The following IQGAP2 variants were observed in gnomAD, a reference collection of about 807,000 sequenced individuals.
IQGAP2 encodes the protein ras GTPase-activating-like protein IQGAP2.
A neutral mutation model predicts 201.3 loss-of-function variants in IQGAP2; 173 were observed. The ratio of observed to expected loss-of-function variants is 0.86; its 90% CI spans 0.76 to 0.98. IQGAP2 has a LOEUF of 0.98. Among genes scored for constraint, IQGAP2 ranks in the 50% least tolerant of loss-of-function variants. IQGAP2 has a pLI of 0.00. For missense variants in IQGAP2, 1,687 were observed against 1,864.8 expected, an observed-to-expected ratio of 0.90 and a Z score of 1.76; for synonymous variants, 675 against 673.9, an observed-to-expected ratio of 1.00 and a Z score of -0.03.
intron 15 of IQGAP2, among the ~76,000 whole-genome samples, chr5:76,635,667 A>C: frequency 6.6e-6 from 1 of 151,980 alleles, no homozygotes; most frequent in East Asian, 1.9e-4. Flanking sequence ...ACATGGCAAA[A>C]CCCATCTCTA....
At chr5:76,599,374 C>T (rs1400505125) in intron 10 of IQGAP2, among the ~76,000 whole-genome samples, 1 of 152,174 alleles carries the variant, frequency 6.6e-6, no homozygotes, top group African/African-American at 2.4e-5. Flanking sequence ...GCTACTTATG[C>T]TTGAGGACAC....
At chr5:76,489,140 T>C (rs1756362438) in intron 2 of IQGAP2, among the ~76,000 whole-genome samples, 1 of 152,122 alleles carries the variant, frequency 6.6e-6, no homozygotes, top group African/African-American at 2.4e-5. Context: ...CTCGCAGTGG[T>C]AGGGTTCCAT....
chr5:76,468,584 T>C (rs775163382), intron 2 of IQGAP2, among the ~76,000 whole-genome samples: 11 of 152,234 alleles, frequency 7.2e-5, no homozygotes, highest in Non-Finnish European at 1.3e-4. Context: ...GGTCCTTAAC[T>C]GGTTTCTTCA....
At chr5:76,448,605 GA>G (rs780537951) in intron 1 of IQGAP2, among the ~76,000 whole-genome samples, 1 of 152,134 alleles carries the variant, frequency 6.6e-6, no homozygotes, top group Non-Finnish European at 1.5e-5. Context: ...TCCATAAGTG[GA>G]AGCATCAGGA....
intron 15 of IQGAP2, among the ~76,000 whole-genome samples, chr5:76,634,836 A>T (rs1480879840): frequency 2.0e-5 from 3 of 152,216 alleles, no homozygotes; most frequent in African/African-American, 7.2e-5. Flanking sequence ...TCTGCAAGGC[A>T]TCTAAAAAGT....
Position 76,693,219 on chromosome 5 carries a change from G to C in IQGAP2, c.3906-136G>C, listed in dbSNP as rs10514070. On this transcript the variant is annotated intron_variant, in intron 30 of 35. Transcript: ENST00000274364. Reference sequence around the variant, plus strand: ...CTTATAGCAGACCTGGTGAATATCCGCAAGAATGTTTTATTTTAAGGTATT... The same window carrying C: ...CTTATAGCAGACCTGGTGAATATCCCCAAGAATGTTTTATTTTAAGGTATT... The C allele has an allele frequency of 6.8e-6, 4 of 584,668 alleles. No homozygotes were observed. The Admixed American group carries it at 1.4e-4, about 20-fold the overall frequency. The allele number at this position is 584,668 out of a possible 1,614,324, so 36.2% of individuals were successfully genotyped here.
intron 1 of IQGAP2, among the ~76,000 whole-genome samples, chr5:76,445,103 G>A (rs951084128): frequency 2.0e-5 from 3 of 152,122 alleles, no homozygotes; most frequent in Non-Finnish European, 1.5e-5. Context: ...GGGTGGCCTC[G>A]TGTCTTTAGG....
intron 1 of IQGAP2, among the ~76,000 whole-genome samples, chr5:76,446,591 C>T (rs556643334): frequency 3.5e-4 from 53 of 152,288 alleles, no homozygotes; most frequent in Middle Eastern, 3.4e-3. Context: ...CATCTAACCT[C>T]TCCTTGATCT....
At chr5:76,510,774 C>T in intron 2 of IQGAP2, 1 of 460,702 alleles carries the variant, frequency 2.2e-6, no homozygotes, top group South Asian at 1.7e-5. Context: ...CAGTAACCAC[C>T]TCCTTGGCAC....
chr5:76,456,170 A>G (rs991812600), intron 1 of IQGAP2, among the ~76,000 whole-genome samples: 1 of 152,184 alleles, frequency 6.6e-6, no homozygotes, highest in Non-Finnish European at 1.5e-5. Context: ...GTAGGGATAT[A>G]GAAATGGATG....
intron 1 of IQGAP2, among the ~76,000 whole-genome samples, chr5:76,436,591 C>T (rs541108984): frequency 9.2e-4 from 117 of 126,734 alleles, no homozygotes; most frequent in African/African-American, 3.1e-3. Context: ...AGTGCAGTGG[C>T]GCAATCTCGG....
rs1253977415 is a variant in IQGAP2, at chr5:76,623,070, C to T, written c.1522-4340C>T. 3 of 1,095,354 alleles carry T rather than the reference C, an allele frequency of 2.7e-6. No homozygotes were observed. The Admixed American group carries it at 5.6e-5, about 21-fold the overall frequency. The allele number at this position is 1,095,354 out of a possible 1,614,324, so 67.9% of individuals were successfully genotyped here. ...AAGATCAAACTGCCTTTGGGGTTTA[C>T]AGTTTGTGTGAGATGCAAAGAAACC... On this transcript the variant is annotated intron_variant, in intron 13 of 35. Coordinates refer to ENST00000274364, the MANE Select transcript of IQGAP2 (RefSeq NM_006633.5).
At chr5:76,703,223 A>G (rs1488636304) in intron 35 of IQGAP2, among the ~76,000 whole-genome samples, 1 of 152,010 alleles carries the variant, frequency 6.6e-6, no homozygotes, top group African/African-American at 2.4e-5. Flanking sequence ...TGGCACAATC[A>G]TGGTTCACTG....
chr5:76,646,967 G>A (rs1168056980), intron 17 of IQGAP2, among the ~76,000 whole-genome samples: 2 of 151,896 alleles, frequency 1.3e-5, no homozygotes, highest in African/African-American at 2.4e-5. Flanking sequence ...TGAACTCTTA[G>A]TTCTAATAAA....
chr5:76,407,383 T>C (rs779010056), intron 1 of IQGAP2, among the ~76,000 whole-genome samples: 1 of 152,190 alleles, frequency 6.6e-6, no homozygotes, highest in African/African-American at 2.4e-5. Context: ...CTCTTATCCA[T>C]CTACGATGAC....
At chr5:76,620,791 G>A (rs564394770) in intron 13 of IQGAP2, among the ~76,000 whole-genome samples, 9 of 152,174 alleles carry the variant, frequency 5.9e-5, no homozygotes, top group East Asian at 1.9e-4. Context: ...AGATGAAATC[G>A]GTATGAGGAC....
At chr5:76,608,936 T>C (rs934398340) in intron 12 of IQGAP2, 13 of 609,046 alleles carry the variant, frequency 2.1e-5, no homozygotes, top group Non-Finnish European at 3.4e-5. Flanking sequence ...TAGTAACATG[T>C]GTTGATGTAA....
chr5:76,460,366 G>A (rs1347717088), intron 1 of IQGAP2, among the ~76,000 whole-genome samples: 1 of 152,184 alleles, frequency 6.6e-6, no homozygotes, highest in Non-Finnish European at 1.5e-5. Flanking sequence ...TGCTGCCTGG[G>A]AGCTCTGGCT....
intron 1 of IQGAP2, among the ~76,000 whole-genome samples, chr5:76,408,017 G>A (rs557540351): frequency 6.6e-6 from 1 of 152,278 alleles, no homozygotes; most frequent in East Asian, 1.9e-4. Context: ...TGTAATCCCA[G>A]CTACTTGGGA....
Sources: allele counts gnomAD v4.1 joint callset (sites outside exome capture counted in the v4.1 genomes callset), GRCh38; gene constraint gnomAD v4.1.1; transcripts MANE v1.5; gene names NCBI Gene and HGNC (gene_info 2026-07-23, HGNC 2026-07-21).